The following PRH1 variants were observed in gnomAD, a reference collection of about 807,000 sequenced individuals.
The protein encoded by PRH1 is salivary acidic proline-rich phosphoprotein 1/2.
A neutral mutation model predicts 7.9 loss-of-function variants in PRH1; 7 were observed. The ratio of observed to expected loss-of-function variants is 0.89; its 90% CI spans 0.50 to 1.67. PRH1 has a LOEUF of 1.67. Ranked by LOEUF, PRH1 falls within the 40% of genes most tolerant of loss-of-function variation. PRH1 has a pLI of 0.00. For missense variants in PRH1, 109 were observed against 223.6 expected (o/e 0.49, Z 3.27); for synonymous variants, 45 against 80.8 (o/e 0.56, Z 2.38).
intron 1 of PRH1, among the ~76,000 whole-genome samples, chr12:11,042,382 T>G (rs1296630226): frequency 6.7e-6 from 1 of 149,318 alleles, no homozygotes; most frequent in Non-Finnish European, 1.5e-5. Context: ...GACAAATTCC[T>G]AGACACATAC....
At chr12:11,143,907 T>A (rs1170743405) in intron 1 of PRH1, among the ~76,000 whole-genome samples, 1 of 152,228 alleles carries the variant, frequency 6.6e-6, no homozygotes, top group East Asian at 1.9e-4. Context: ...AGGCTGGTAC[T>A]GGGAGTTGTC....
intron 1 of PRH1, chr12:11,031,556 A>G (rs1942220319): frequency 1.9e-6 from 1 of 533,262 alleles, no homozygotes. Flanking sequence ...AAGGCGACCC[A>G]GGCAGGTTGC....
At chr12:11,140,627 A>G (rs944370501) in intron 1 of PRH1, among the ~76,000 whole-genome samples, 4 of 152,184 alleles carry the variant, frequency 2.6e-5, no homozygotes, top group Non-Finnish European at 5.9e-5. Flanking sequence ...TCCTATTCAA[A>G]CACAACATCC....
intron 1 of PRH1, among the ~76,000 whole-genome samples, chr12:11,037,569 T>C (rs1380104745): frequency 6.6e-6 from 1 of 152,236 alleles, no homozygotes; most frequent in Admixed American, 6.5e-5. Flanking sequence ...GTAGTATAAT[T>C]TATTGGAAAT....
downstream of PRH1, among the ~76,000 whole-genome samples, chr12:11,119,843 G>C (rs1045564103): frequency 6.6e-6 from 1 of 152,012 alleles, no homozygotes; most frequent in African/African-American, 2.4e-5. Context: ...TAGTTAAGAT[G>C]GAATACTGAA....
intron 2 of PRH1, among the ~76,000 whole-genome samples, chr12:10,914,299 G>A (rs186750892): frequency 2.6e-5 from 4 of 152,310 alleles, no homozygotes; most frequent in African/African-American, 9.6e-5. Context: ...CAAACAGAGG[G>A]AGATGCTCTA....
chr12:11,058,167 T>C (rs1176358500), intron 1 of PRH1, among the ~76,000 whole-genome samples: 1 of 152,132 alleles, frequency 6.6e-6, no homozygotes, highest in East Asian at 1.9e-4. Flanking sequence ...GCCCAGAAGG[T>C]TGAGGCTGCA....
chr12:10,910,680 A>G (rs1028998797), intron 2 of PRH1, among the ~76,000 whole-genome samples: 11 of 152,144 alleles, frequency 7.2e-5, no homozygotes, highest in African/African-American at 2.7e-4. Flanking sequence ...CTACCGAAAA[A>G]AAGTGGATTA....
intron 1 of PRH1, among the ~76,000 whole-genome samples, chr12:11,056,974 T>A (rs549478767): frequency 6.6e-6 from 1 of 152,278 alleles, no homozygotes; most frequent in Non-Finnish European, 1.5e-5. Flanking sequence ...CCTGTTTTAC[T>A]TGATATTTAA....
chr12:10,966,587 T>C (rs1292080388), intron 2 of PRH1, among the ~76,000 whole-genome samples: 1 of 152,184 alleles, frequency 6.6e-6, no homozygotes, highest in Non-Finnish European at 1.5e-5. Context: ...GCCCATCTCA[T>C]ATCACCAGAG....
rs754405292 is a variant in PRH1, at chr12:11,133,487, C to A, written n.40-12307G>T. The A allele has an allele frequency of 1.9e-6, 3 of 1,610,238 alleles. No individual in the cohort carries two copies. In the African/African-American group the frequency reaches 4.0e-5, roughly 22 times the overall value. On this transcript the variant is annotated intron_variant and non_coding_transcript_variant, in intron 1 of 1. Transcript: ENST00000541175. Reference sequence around the variant, plus strand: ...GAAGACAGGTTGCTTTTCCAGCCTCCCAAAATTACAAACTGATATGATCAT... The same window carrying A: ...GAAGACAGGTTGCTTTTCCAGCCTCACAAAATTACAAACTGATATGATCAT...
chr12:10,896,942 A>G (rs944378125), intron 2 of PRH1: 1 of 152,154 alleles, frequency 6.6e-6, no homozygotes, highest in Non-Finnish European at 1.5e-5. Context: ...ATGAAAAGCC[A>G]TGCAGTTTTT....
chr12:11,154,559 G>A (rs1404460003), intron 1 of PRH1, among the ~76,000 whole-genome samples: 8 of 152,156 alleles, frequency 5.3e-5, no homozygotes, highest in Admixed American at 4.6e-4. Context: ...GGGAGGTGGA[G>A]GGAAGGTTAG....
chr12:10,964,795 T>G (rs2135939277), intron 2 of PRH1: 1 of 588,636 alleles, frequency 1.7e-6, no homozygotes, highest in East Asian at 4.1e-5. Context: ...GAGTAAAGGG[T>G]ATTAAGTTTG....
chr12:10,896,698 G>A (rs1949650318), intron 2 of PRH1: 1 of 145,224 alleles, frequency 6.9e-6, no homozygotes, highest in Non-Finnish European at 1.5e-5. Context: ...GGAGGCAGAT[G>A]TTGCAGTGAG....
chr12:11,089,921 T>C lies in PRH1; in HGVS notation n.124-42733A>G, dbSNP rs879035417. 1.3e-3 allele frequency among the ~76,000 whole-genome samples: 121 copies of C among 93,076 alleles called. 2 individuals carry two copies. Among genetic ancestry groups the C allele is most frequent in the East Asian group, 2.1e-3 (8 of 3,728 alleles). The allele number at this position is 93,076 out of a possible 152,430, so 61.1% of individuals were successfully genotyped here. On this transcript the variant is annotated intron_variant and non_coding_transcript_variant, in intron 1 of 4. Transcript: ENST00000541977. The stretch of plus-strand genomic sequence containing the variant: ...ATTGTGGAATAGCCAAACTTTTCCT[T>C]AGAGGAAGGATTCTGCTTGGATAAG...
chr12:11,152,495 T>G (rs1394429149), intron 1 of PRH1, among the ~76,000 whole-genome samples: 1 of 152,114 alleles, frequency 6.6e-6, no homozygotes, highest in Non-Finnish European at 1.5e-5. Context: ...AAATTTCTCT[T>G]CTCTCAAGAT....
intron 2 of PRH1, among the ~76,000 whole-genome samples, chr12:10,972,956 C>T (rs181188330): frequency 0.021 from 2,902 of 139,626 alleles, 121 homozygotes; most frequent in African/African-American, 0.072. Context: ...CCCACACACA[C>T]ACCACATGGA....
intron 1 of PRH1, chr12:11,092,082 C>A: frequency 6.6e-7 from 1 of 1,506,718 alleles, no homozygotes; most frequent in South Asian, 1.2e-5. Flanking sequence ...ACCGCCAGAG[C>A]AGTGAGAATT....
Sources: allele counts gnomAD v4.1 joint callset (sites outside exome capture counted in the v4.1 genomes callset), GRCh38; gene constraint gnomAD v4.1.1; transcripts MANE v1.5; gene names NCBI Gene and HGNC (gene_info 2026-07-23, HGNC 2026-07-21).